Variants in DTWD2 observed in about 807,000 individuals in gnomAD.
The protein encoded by DTWD2 is tRNA-uridine aminocarboxypropyltransferase 2.
Under a neutral mutation model 31.8 loss-of-function variants are expected in DTWD2, and 39 were observed. That is an observed-to-expected ratio of 1.22 (90% CI 0.95 to 1.60). The LOEUF is 1.60. Among genes scored for constraint, DTWD2 ranks in the 40% most tolerant of loss-of-function variants. The probability of loss-of-function intolerance (pLI) is 0.00; values close to 1 mark genes in which losing one functional copy is unlikely to be tolerated. For missense variants in DTWD2, 515 were observed against 381.5 expected (o/e 1.35, Z -2.92); for synonymous variants, 180 against 142.8 (o/e 1.26, Z -1.86).
At chr5:118,947,206 TAC>T (rs1754358481) in intron 1 of DTWD2, among the ~76,000 whole-genome samples, 1 of 152,038 alleles carries the variant, frequency 6.6e-6, no homozygotes, top group South Asian at 2.1e-4. Context: ...TCTAGGTGAG[TAC>T]TCGTGACCCC....
intron 4 of DTWD2, among the ~76,000 whole-genome samples, chr5:118,927,489 G>A (rs1047111537): frequency 6.6e-6 from 1 of 151,812 alleles, no homozygotes; most frequent in African/African-American, 2.4e-5. Flanking sequence ...TTTTGAATCT[G>A]TTTGTGTAAA....
chr5:118,869,057 G>A (rs967232767), intron 4 of DTWD2, among the ~76,000 whole-genome samples: 1 of 152,044 alleles, frequency 6.6e-6, no homozygotes, highest in African/African-American at 2.4e-5. Flanking sequence ...ACAAAAAAAA[G>A]GAAAGTTATT....
rs1421070015 is a variant in DTWD2 at position 118,870,534 on chromosome 5, T to C, written c.598-22316A>G. On this transcript the variant is annotated intron_variant, in intron 4 of 5. Transcript: ENST00000510708. ...GCACATATAAAAGTTTTGCAGTCTA[T>C]TAGGTATGCAATAGCATTTTGTCAA... Among the ~76,000 whole-genome samples the C allele has an allele frequency of 3.3e-5, 5 of 152,206 alleles. No individual in the cohort carries two copies. The East Asian group carries it at 5.8e-4, about 18-fold the overall frequency.
In DTWD2 at chr5:118,899,188, T is replaced by TGTCTAGAG. The variant is rs1480099482; in HGVS notation, c.597+29341_597+29348dup. ...CCCGCAACTTGTAGCACTGAAGTGC[T>TGTCTAGAG]GTCTAGAGTTCCTGAGCTCAAGAAG... On this transcript the variant is annotated intron_variant, in intron 4 of 5. Transcript: ENST00000510708. Among the ~76,000 whole-genome samples, 12 of 152,372 alleles carry TGTCTAGAG rather than the reference T, an allele frequency of 7.9e-5. No individual in the cohort carries two copies. The East Asian group carries it at 2.3e-3, about 29-fold the overall frequency.
chr5:118,961,570 A>G (rs918502772), intron 1 of DTWD2, among the ~76,000 whole-genome samples: 4 of 152,226 alleles, frequency 2.6e-5, no homozygotes, highest in Non-Finnish European at 5.9e-5. Context: ...ATTTATTCAA[A>G]CTGAGCCTGC....
intron 4 of DTWD2, among the ~76,000 whole-genome samples, chr5:118,862,057 G>A (rs1024186225): frequency 6.6e-6 from 1 of 152,222 alleles, no homozygotes; most frequent in Non-Finnish European, 1.5e-5. Flanking sequence ...ATTACTGCCT[G>A]AGCTGTGCCT....
intron 1 of DTWD2, among the ~76,000 whole-genome samples, chr5:118,957,741 G>T (rs1176083121): frequency 6.6e-6 from 1 of 152,140 alleles, no homozygotes; most frequent in Non-Finnish European, 1.5e-5. Context: ...GAGCAGTGAA[G>T]AAATTATCAA....
chr5:118,916,496 T>C (rs979363727), intron 4 of DTWD2, among the ~76,000 whole-genome samples: 1 of 151,850 alleles, frequency 6.6e-6, no homozygotes, highest in Non-Finnish European at 1.5e-5. Context: ...AGAAACCCCA[T>C]CTCTAATAAA....
intron 5 of DTWD2, 146 bp from the exon 6 acceptor site, chr5:118,841,233 T>C: frequency 1.3e-6 from 1 of 781,504 alleles, no homozygotes; most frequent in Non-Finnish European, 1.9e-6. Context: ...CTCTGATAAA[T>C]ATATAATTAT....
chr5:118,914,936 T>G (rs1753539820), intron 4 of DTWD2, among the ~76,000 whole-genome samples: 1 of 152,106 alleles, frequency 6.6e-6, no homozygotes, highest in African/African-American at 2.4e-5. Context: ...CAAAAATATA[T>G]TAATATAAAT....
intron 4 of DTWD2, among the ~76,000 whole-genome samples, chr5:118,892,182 T>G (rs1033295370): frequency 6.6e-6 from 1 of 152,126 alleles, no homozygotes; most frequent in Non-Finnish European, 1.5e-5. Context: ...AAGCTCAATT[T>G]TAATCAAAAA....
chr5:118,953,324 C>T (rs563902929), intron 1 of DTWD2, among the ~76,000 whole-genome samples: 1 of 152,244 alleles, frequency 6.6e-6, no homozygotes, highest in East Asian at 1.9e-4. Flanking sequence ...GCCCACTTAC[C>T]CATTCCTGTC....
intron 1 of DTWD2, among the ~76,000 whole-genome samples, chr5:118,954,626 C>T (rs535402302): frequency 5.7e-4 from 87 of 152,278 alleles, no homozygotes; most frequent in Non-Finnish European, 1.1e-3. Flanking sequence ...AATTCTCATG[C>T]CTCAGCCTCG....
At chr5:118,876,462 T>A (rs1298743080) in intron 4 of DTWD2, among the ~76,000 whole-genome samples, 3 of 151,346 alleles carry the variant, frequency 2.0e-5, no homozygotes, top group South Asian at 4.2e-4. Context: ...TTTGAAAAAA[T>A]TTAAAAAAAG....
chr5:118,951,330 G>A (rs1754460877), intron 1 of DTWD2, among the ~76,000 whole-genome samples: 1 of 152,142 alleles, frequency 6.6e-6, no homozygotes, highest in South Asian at 2.1e-4. Flanking sequence ...GGTCATATAG[G>A]TCTGTAGAAA....
intron 5 of DTWD2, among the ~76,000 whole-genome samples, chr5:118,845,843 T>C (rs1240722310): frequency 1.3e-5 from 2 of 152,208 alleles, no homozygotes; most frequent in African/African-American, 4.8e-5. Context: ...CAATAAGGAT[T>C]CCTTTTTTTT....
At chr5:118,886,304 A>G (rs1281040210) in intron 4 of DTWD2, among the ~76,000 whole-genome samples, 1 of 152,228 alleles carries the variant, frequency 6.6e-6, no homozygotes, top group Non-Finnish European at 1.5e-5. Context: ...ATCAAGAGAA[A>G]ATTCCTTCCT....
At chr5:118,969,141 T>C (rs1387931775) in intron 1 of DTWD2, among the ~76,000 whole-genome samples, 1 of 151,884 alleles carries the variant, frequency 6.6e-6, no homozygotes, top group Non-Finnish European at 1.5e-5. Flanking sequence ...CTAGCCTGAG[T>C]TATATGAACA....
intron 4 of DTWD2, among the ~76,000 whole-genome samples, chr5:118,851,825 A>C (rs1752014393): frequency 6.7e-6 from 1 of 148,584 alleles, no homozygotes. Flanking sequence ...TGTACCCTAA[A>C]ACTTAAAGTA....
Sources: allele counts gnomAD v4.1 joint callset (sites outside exome capture counted in the v4.1 genomes callset), GRCh38; gene constraint gnomAD v4.1.1; transcripts MANE v1.5; gene names NCBI Gene and HGNC (gene_info 2026-07-23, HGNC 2026-07-21).